The following KMT2C variants were observed in gnomAD, a reference collection of about 807,000 sequenced individuals.
KMT2C encodes the protein lysine methyltransferase 2C, also known as histone-lysine N-methyltransferase 2C.
In KMT2C, 88 loss-of-function variants were observed where a neutral mutation model predicts 507.9. That is an observed-to-expected ratio of 0.17 (90% CI 0.15 to 0.21). The LOEUF (loss-of-function observed/expected upper bound fraction) is 0.21, where lower values mean the gene tolerates loss of function less well. Among genes scored for constraint, KMT2C ranks in the 10% least tolerant of loss-of-function variants. The probability of loss-of-function intolerance (pLI) is 1.00; values close to 1 mark genes in which losing one functional copy is unlikely to be tolerated. For missense variants in KMT2C, 4,954 were observed against 5,957.8 expected, an observed-to-expected ratio of 0.83 and a Z score of 5.55; for synonymous variants, 2,049 against 2,080.8, an observed-to-expected ratio of 0.98 and a Z score of 0.42.
At chr7:152,376,703 TCATAA>T (rs1564037893) in intron 1 of KMT2C, among the ~76,000 whole-genome samples, 1 of 152,220 alleles carries the variant, frequency 6.6e-6, no homozygotes, top group Non-Finnish European at 1.5e-5. Context: ...AATGCTCTCG[TCATAA>T]CATAAAAGTG....
chr7:152,431,605 A>G (rs76827100), intron 1 of KMT2C, among the ~76,000 whole-genome samples: 1 of 62,062 alleles, frequency 1.6e-5, no homozygotes, highest in African/African-American at 6.4e-5. Context: ...GACTCTGTCA[A>G]AAAAAAAAAA....
chr7:152,374,161 C>G (rs1476520999), intron 1 of KMT2C, among the ~76,000 whole-genome samples: 1 of 151,554 alleles, frequency 6.6e-6, no homozygotes, highest in African/African-American at 2.4e-5. Context: ...ACTAAAAATA[C>G]AAAAATTAGC....
At chr7:152,306,681 C>T (rs2096617894) in intron 6 of KMT2C, among the ~76,000 whole-genome samples, 1 of 152,164 alleles carries the variant, frequency 6.6e-6, no homozygotes, top group African/African-American at 2.4e-5. Flanking sequence ...CACCAAATTT[C>T]CCTCCAAAAG....
At chr7:152,338,714 G>A (rs955866215) in intron 2 of KMT2C, among the ~76,000 whole-genome samples, 1 of 152,110 alleles carries the variant, frequency 6.6e-6, no homozygotes, top group African/African-American at 2.4e-5. Flanking sequence ...ATACAAAATC[G>A]GGTTGTGTAA....
chr7:152,222,086 T>A lies in KMT2C; in HGVS notation c.3434-20A>T, dbSNP rs1297295759. ...AAGGCACTGAAACGAAAAAAAAAAA[T>A]CCAGGTAATTCTTTTCAGAAAAGGT... On this transcript the variant is annotated intron_variant, in intron 21 of 58. Transcript: ENST00000262189. 6.6e-7 allele frequency: 1 copy of A among 1,520,260 alleles called. No homozygotes were observed. The highest frequency in any genetic ancestry group is 8.9e-7 in the Non-Finnish European group (1 of 1,117,992). 94.2% of individuals were successfully genotyped at this position (1,520,260 alleles called of 1,614,324 possible).
chr7:152,196,010 A>T lies in KMT2C; in HGVS notation c.4275T>A (p.Gly1425=), dbSNP rs746217504. 35 of 1,536,658 alleles carry T rather than the reference A, an allele frequency of 2.3e-5. No individual in the cohort carries two copies. In the East Asian group the frequency reaches 8.0e-4, roughly 35 times the overall value. ...SSAPTKSGTH[G]PADDPLADIS... is the part of the protein sequence containing the mutation. ...TATCAGCTAATGGGTCATCAGCAGG[A>T]CCTAAATATAGTAAATATGTTTTTT... Residue 1425 remains glycine, a splice_region_variant and synonymous_variant, in exon 28 of 59, where the codon GGT becomes GGA. Transcript: ENST00000262189.
chr7:152,395,554 C>T lies in KMT2C; in HGVS notation c.162-36879G>A, dbSNP rs182474162. Among the ~76,000 whole-genome samples, 338 of 152,298 alleles carry T rather than the reference C, an allele frequency of 2.2e-3. 3 individuals are homozygous for T. The highest frequency in any genetic ancestry group is 0.01 in the Middle Eastern group (3 of 294). Reference sequence around the variant, plus strand: ...AGACAGTCTCCCTCTGTCACTCAGGCTGGAGTGCAGTGGCGCCATCTTGGC... The same window carrying T: ...AGACAGTCTCCCTCTGTCACTCAGGTTGGAGTGCAGTGGCGCCATCTTGGC... On this transcript the variant is annotated intron_variant, in intron 1 of 58. Transcript: ENST00000262189.
intron 1 of KMT2C, among the ~76,000 whole-genome samples, chr7:152,361,426 G>T (rs1157898031): frequency 6.6e-6 from 1 of 152,074 alleles, no homozygotes. Flanking sequence ...AGCCGGGCGT[G>T]GTAGTGGGCG....
At chr7:152,145,098 C>T in intron 54 of KMT2C, 55 bp downstream of exon 54, 1 of 1,579,096 alleles carries the variant, frequency 6.3e-7, no homozygotes, top group Non-Finnish European at 8.6e-7. Context: ...GCACAGGAAA[C>T]CACTAATACG....
chr7:152,259,808 C>T (rs2095738075), intron 9 of KMT2C, among the ~76,000 whole-genome samples: 1 of 152,198 alleles, frequency 6.6e-6, no homozygotes, highest in Non-Finnish European at 1.5e-5. Context: ...GTCCCAACAT[C>T]TCCAGCCTTC....
chr7:152,182,147 G>A lies in KMT2C; in HGVS notation c.5713C>T (p.Pro1905Ser). ...CTATGGCCCACAGGAGGTGGTCGAGGGGTACCAACCATTTTTGCATATGGA... is the reference window on the plus strand; with the variant it reads ...CTATGGCCCACAGGAGGTGGTCGAGAGGTACCAACCATTTTTGCATATGGA... The part of the protein sequence containing the change: ...MDPYAKMVGT[P>S]RPPPVGHSFS... The change falls in exon 36 of 59, where the codon CCT becomes TCT. Residue 1905 changes from proline to serine, a missense_variant. Physicochemically the swap from Pro to Ser is moderately conservative, Grantham distance 74. Around this residue, in one of 29 missense-constraint regions of KMT2C, gnomAD observed 1,689 missense variants for 1,654.3 expected, o/e 1.02. Transcript: ENST00000262189. 6.2e-7 allele frequency: 1 copy of A among 1,614,136 alleles called. No individual in the cohort carries two copies. The highest frequency in any genetic ancestry group is 8.5e-7 in the Non-Finnish European group (1 of 1,180,022).
intron 6 of KMT2C, among the ~76,000 whole-genome samples, chr7:152,277,906 A>C (rs2096114732): frequency 6.6e-6 from 1 of 152,230 alleles, no homozygotes; most frequent in Non-Finnish European, 1.5e-5. Flanking sequence ...GCAACTTTCA[A>C]AACATGCAAA....
At chr7:152,136,959 A>C (rs1016897630) in intron 58 of KMT2C, 35 bp from the exon 59 acceptor site, 3 of 1,522,334 alleles carry the variant, frequency 2.0e-6, no homozygotes, top group Non-Finnish European at 2.7e-6. Context: ...AAGAAAGGAC[A>C]GCAAGGAAGG....
At chr7:152,201,397 T>C (rs1018621119) in intron 26 of KMT2C, among the ~76,000 whole-genome samples, 5 of 150,916 alleles carry the variant, frequency 3.3e-5, no homozygotes, top group African/African-American at 7.3e-5. Flanking sequence ...ACAGCAGTAA[T>C]TGGGAAATTA....
chr7:152,197,794 T>C (rs1275531014), intron 27 of KMT2C, among the ~76,000 whole-genome samples: 1 of 152,160 alleles, frequency 6.6e-6, no homozygotes, highest in Non-Finnish European at 1.5e-5. Context: ...TTTTCCATTA[T>C]AAAGTGAAAA....
Position 152,326,360 on chromosome 7 carries a change from G to T in KMT2C, c.389+4241C>A, listed in dbSNP as rs562591033. On this transcript the variant is annotated intron_variant, in intron 3 of 58. Coordinates refer to ENST00000262189, the MANE Select transcript of KMT2C (RefSeq NM_170606.3). ...CTGTGATCCTTAATCTTTCCAAAAA[G>T]TTTTATAATTTTCTCTATAAAAGTC... Among the ~76,000 whole-genome samples, 320 of 152,076 alleles carry T rather than the reference G, an allele frequency of 2.1e-3. 3 individuals are homozygous for T. The highest frequency in any genetic ancestry group is 0.01 in the Middle Eastern group (3 of 294).
intron 14 of KMT2C, among the ~76,000 whole-genome samples, chr7:152,243,486 A>T (rs2095420244): frequency 6.6e-6 from 1 of 152,206 alleles, no homozygotes; most frequent in African/African-American, 2.4e-5. Flanking sequence ...AATTTTCTTG[A>T]AATATTTACT....
intron 23 of KMT2C, among the ~76,000 whole-genome samples, chr7:152,213,645 T>G (rs1200051815): frequency 6.6e-6 from 1 of 151,972 alleles, no homozygotes; most frequent in South Asian, 2.1e-4. Context: ...CTCCTTGATA[T>G]CCTCCTTGAC....
In KMT2C at chr7:152,138,144, G is replaced by C. The variant is rs1477541653; in HGVS notation, c.14643+652C>G. 6.6e-6 allele frequency: 1 copy of C among 152,272 alleles called. No homozygotes were observed. The highest frequency in any genetic ancestry group is 1.5e-5 in the Non-Finnish European group (1 of 68,104). The allele number at this position is 152,272 out of a possible 1,614,324, so 9.4% of individuals were successfully genotyped here. A position where few individuals can be genotyped will look rare whatever the true frequency, so the allele number is the denominator to read the frequency against. On this transcript the variant is annotated intron_variant, in intron 58 of 58. Coordinates refer to ENST00000262189, the MANE Select transcript of KMT2C (RefSeq NM_170606.3). The surrounding 1 kb of genome is among the most constrained non-coding windows in gnomAD (Gnocchi z 4.2). ...AACCAAGGTACCTGAATCACAGTGGGAAAGACCAAGGTGGGAAGCAAATGC... is the reference window on the plus strand; with the variant it reads ...AACCAAGGTACCTGAATCACAGTGGCAAAGACCAAGGTGGGAAGCAAATGC...
Sources: allele counts gnomAD v4.1 joint callset (sites outside exome capture counted in the v4.1 genomes callset), GRCh38; gene constraint gnomAD v4.1.1; regional missense constraint gnomAD v4.1.1; non-coding constraint Gnocchi (gnomAD v3.1); transcripts MANE v1.5; gene names NCBI Gene and HGNC (gene_info 2026-07-23, HGNC 2026-07-21).